The following ZNF532 variants were observed in gnomAD, a reference collection of about 807,000 sequenced individuals.
The protein encoded by ZNF532 is zinc finger protein 532.
A neutral mutation model predicts 89.3 loss-of-function variants in ZNF532; 22 were observed. That is an observed-to-expected ratio of 0.25 (90% CI 0.18 to 0.35). The LOEUF is 0.35. Among genes scored for constraint, ZNF532 ranks in the 10% least tolerant of loss-of-function variants. The pLI, the probability that ZNF532 is intolerant of heterozygous loss-of-function variation, is 1.00. For synonymous variants in ZNF532, 606 were observed against 649.6 expected, an observed-to-expected ratio of 0.93 and a Z score of 1.02; for missense variants, 1,132 against 1,643.4, an observed-to-expected ratio of 0.69 and a Z score of 5.38.
Position 58,981,776 on chromosome 18 carries a change from G to A in ZNF532, c.3411+159G>A, listed in dbSNP as rs141879966. Among the ~76,000 whole-genome samples, 745 of 152,190 alleles carry A rather than the reference G, an allele frequency of 4.9e-3. 5 individuals carry two copies. Among genetic ancestry groups the A allele is most frequent in the African/African-American group, 0.017 (695 of 41,522 alleles). On this transcript the variant is annotated intron_variant, in intron 9 of 9. Coordinates refer to ENST00000591808, the MANE Select transcript of ZNF532 (RefSeq NM_001375912.1). ...GCCCACCACTTTGGGAGGCCGAGGC[G>A]GGTAAATCACGAGTTCAGGAGTTCA...
intron 7 of ZNF532, among the ~76,000 whole-genome samples, chr18:58,976,448 T>C (rs1479678260): frequency 6.6e-6 from 1 of 152,152 alleles, no homozygotes; most frequent in Non-Finnish European, 1.5e-5. Flanking sequence ...TTCTGTGGGG[T>C]CTCTTGTCCT....
intron 2 of ZNF532, among the ~76,000 whole-genome samples, chr18:58,893,963 G>A (rs1448074485): frequency 6.6e-6 from 1 of 152,062 alleles, no homozygotes; most frequent in Non-Finnish European, 1.5e-5. Flanking sequence ...ACTGTCTGTG[G>A]TAGTGAGATA....
At chr18:58,901,521 C>T (rs956747502) in intron 2 of ZNF532, among the ~76,000 whole-genome samples, 7 of 152,264 alleles carry the variant, frequency 4.6e-5, no homozygotes, top group African/African-American at 9.6e-5. Flanking sequence ...GACTTTTAGG[C>T]GCTTAATATA....
At chr18:58,918,040 C>T (rs1252977962) in intron 2 of ZNF532, among the ~76,000 whole-genome samples, 2 of 152,186 alleles carry the variant, frequency 1.3e-5, no homozygotes, top group Non-Finnish European at 2.9e-5. Context: ...ACGCTGGTAA[C>T]ACCGTATAGC....
intron 5 of ZNF532, among the ~76,000 whole-genome samples, chr18:58,941,468 C>T (rs1359536107): frequency 2.7e-4 from 31 of 114,920 alleles, no homozygotes; most frequent in African/African-American, 8.2e-4. Context: ...CTCTCTCTCT[C>T]TTTTTTTTTT....
chr18:58,898,989 A>G (rs1269052591), intron 2 of ZNF532, among the ~76,000 whole-genome samples: 4 of 152,252 alleles, frequency 2.6e-5, no homozygotes, highest in Non-Finnish European at 4.4e-5. Flanking sequence ...CTGGAGAGAA[A>G]TGGGTTGTCT....
intron 7 of ZNF532, among the ~76,000 whole-genome samples, chr18:58,961,905 C>T (rs181118361): frequency 1.1e-4 from 16 of 152,210 alleles, no homozygotes; most frequent in Admixed American, 1.0e-3. Context: ...GCCAGATGCT[C>T]ATCTGTAAAA....
intron 2 of ZNF532, among the ~76,000 whole-genome samples, chr18:58,914,001 C>T (rs886538867): frequency 6.6e-6 from 1 of 152,220 alleles, no homozygotes; most frequent in Non-Finnish European, 1.5e-5. Context: ...CTGACATTCT[C>T]TAATTGGAAA....
intron 8 of ZNF532, 23 bp downstream of exon 8, chr18:58,979,190 A>G: frequency 6.3e-7 from 1 of 1,593,566 alleles, no homozygotes; most frequent in South Asian, 1.1e-5. Context: ...TTCTAACGGA[A>G]CGCAGTGAGA....
chr18:58,977,916 A>G (rs1333159953), intron 7 of ZNF532, among the ~76,000 whole-genome samples: 4 of 152,206 alleles, frequency 2.6e-5, no homozygotes, highest in African/African-American at 4.8e-5. Context: ...TCTCACATGA[A>G]AACTTCGTCC....
intron 7 of ZNF532, among the ~76,000 whole-genome samples, chr18:58,955,795 T>C (rs897448669): frequency 1.4e-4 from 21 of 152,250 alleles, no homozygotes; most frequent in Non-Finnish European, 2.6e-4. Flanking sequence ...AGTCTCAGGC[T>C]TTCCTACTAG....
chr18:58,878,756 G>GT (rs2057645111), intron 2 of ZNF532, among the ~76,000 whole-genome samples: 1 of 152,258 alleles, frequency 6.6e-6, no homozygotes, highest in Non-Finnish European at 1.5e-5. Context: ...AAGCTATGCA[G>GT]TAAGAAAGGC....
intron 5 of ZNF532, among the ~76,000 whole-genome samples, chr18:58,940,665 A>G (rs142627442): frequency 6.5e-4 from 99 of 152,324 alleles, no homozygotes; most frequent in African/African-American, 2.3e-3. Flanking sequence ...TGTGTAGCAC[A>G]ACAGTGCCTG....
chr18:58,939,246 CAAAAAAAAAAAAAAAA>C (rs71336307), intron 4 of ZNF532, among the ~76,000 whole-genome samples, 183 bp from the exon 5 acceptor site: 2 of 34,508 alleles, frequency 5.8e-5, no homozygotes, highest in African/African-American at 9.5e-5. Context: ...GACGTTGTCT[CAAAAAAAAAAAAAAAA>C]AAAAAAAAAA....
intron 7 of ZNF532, among the ~76,000 whole-genome samples, chr18:58,967,362 C>G (rs1375431466): frequency 6.6e-6 from 1 of 152,230 alleles, no homozygotes; most frequent in Non-Finnish European, 1.5e-5. Flanking sequence ...TCTCCTCCCC[C>G]TGGACCCTTG....
intron 2 of ZNF532, among the ~76,000 whole-genome samples, chr18:58,897,200 A>G (rs2059308247): frequency 6.6e-6 from 1 of 152,196 alleles, no homozygotes; most frequent in South Asian, 2.1e-4. Context: ...TTGACTGAAC[A>G]GTTGCTCTGT....
At chr18:58,967,663 C>CG (rs2066063526) in intron 7 of ZNF532, among the ~76,000 whole-genome samples, 1 of 152,116 alleles carries the variant, frequency 6.6e-6, no homozygotes, top group Admixed American at 6.6e-5. Flanking sequence ...AGTCGGAGCT[C>CG]GGTAAATACC....
intron 3 of ZNF532, among the ~76,000 whole-genome samples, chr18:58,928,540 G>A (rs371124511): frequency 3.9e-5 from 6 of 152,126 alleles, no homozygotes; most frequent in African/African-American, 1.4e-4. Flanking sequence ...TCTGGTACAC[G>A]ATCTGGGCCA....
intron 2 of ZNF532, among the ~76,000 whole-genome samples, chr18:58,875,151 C>T (rs531709921): frequency 2.0e-5 from 3 of 152,160 alleles, no homozygotes; most frequent in East Asian, 1.9e-4. Context: ...CTTTCCCCCC[C>T]CTTTTTTTCT....
Sources: gnomAD v4.1 joint callset for allele counts (sites outside exome capture counted in the v4.1 genomes callset) on GRCh38, gnomAD v4.1.1 for gene constraint, MANE v1.5 for transcripts, NCBI Gene and HGNC (gene_info 2026-07-23, HGNC 2026-07-21) for gene names.